RFC1: variants seen among roughly 807,000 people sequenced by gnomAD.
RFC1 encodes replication factor C subunit 1.
Under a neutral mutation model 137.4 loss-of-function variants are expected in RFC1, and 37 were observed. The observed-to-expected ratio is 0.27, with a 90% confidence interval of 0.21 to 0.35. The LOEUF (loss-of-function observed/expected upper bound fraction) is 0.35, where lower values mean the gene tolerates loss of function less well. Among genes scored for constraint, RFC1 ranks in the 10% least tolerant of loss-of-function variants. The probability of loss-of-function intolerance (pLI) is 1.00; values close to 1 mark genes in which losing one functional copy is unlikely to be tolerated. For missense variants in RFC1, 1,205 were observed against 1,358.5 expected, an observed-to-expected ratio of 0.89 and a Z score of 1.78; for synonymous variants, 429 against 455.7, an observed-to-expected ratio of 0.94 and a Z score of 0.75.
At chr4:39,290,420 A>G (rs1015034248) in intron 23 of RFC1, among the ~76,000 whole-genome samples, 1 of 152,128 alleles carries the variant, frequency 6.6e-6, no homozygotes, top group African/African-American at 2.4e-5. Flanking sequence ...TTAGGCAAAC[A>G]AACAAACAAA....
chr4:39,313,472 T>C (rs923863156), intron 10 of RFC1, among the ~76,000 whole-genome samples: 5 of 152,226 alleles, frequency 3.3e-5, no homozygotes, highest in African/African-American at 9.6e-5. Flanking sequence ...ACCACATTAG[T>C]GATCAGAAAT....
Position 39,320,581 on chromosome 4 carries a change from A to T in RFC1, c.897T>A (p.His299Gln). 6.2e-7 allele frequency: 1 copy of T among 1,613,732 alleles called. No individual in the cohort carries two copies. Among genetic ancestry groups the T allele is most frequent in the Non-Finnish European group, 8.5e-7 (1 of 1,179,922 alleles). ...CTATTTTGTCAGCTGATGACTTGGA[A>T]TGTTGCTGAGATTCTTTTGAACTTT... ...KYESSKESQQ[H>Q]SKSSADKIGE... The change falls in exon 9 of 25, where the codon CAT becomes CAA. Residue 299 changes from histidine to glutamine, a missense_variant. His to Gln is a conservative substitution (Grantham distance 24). Around this residue, in one of 3 missense-constraint regions of RFC1, gnomAD observed 962 missense variants for 1,035.3 expected, o/e 0.93. Transcript: ENST00000349703.
At chr4:39,309,320 G>A (rs1490005261) in intron 12 of RFC1, among the ~76,000 whole-genome samples, 1 of 152,194 alleles carries the variant, frequency 6.6e-6, no homozygotes, top group African/African-American at 2.4e-5. Flanking sequence ...AAGGTACAGT[G>A]TTGAGATTTT....
intron 22 of RFC1, among the ~76,000 whole-genome samples, chr4:39,293,183 G>A (rs1737785693): frequency 6.6e-6 from 1 of 152,084 alleles, no homozygotes; most frequent in Non-Finnish European, 1.5e-5. Flanking sequence ...CCTCTAGATT[G>A]TCTTCCATAA....
At chr4:39,351,536 A>G in intron 1 of RFC1, 60 bp from the exon 2 acceptor site, 5 of 1,415,698 alleles carry the variant, frequency 3.5e-6, no homozygotes, top group Non-Finnish European at 4.7e-6. Flanking sequence ...TTATAACTTC[A>G]ATTGTAAGAT....
At chr4:39,299,634 G>C (rs1023712396) in intron 21 of RFC1, among the ~76,000 whole-genome samples, 1 of 135,342 alleles carries the variant, frequency 7.4e-6, no homozygotes, top group Non-Finnish European at 1.6e-5. Context: ...AAAAAAGAAA[G>C]AAAGAAAAAA....
chr4:39,327,503 G>T, intron 5 of RFC1, 21 bp downstream of exon 5: 9 of 1,505,698 alleles, frequency 6.0e-6, no homozygotes, highest in Non-Finnish European at 8.2e-6. Flanking sequence ...GAGCATACTT[G>T]CTTATATGTA....
intron 6 of RFC1, among the ~76,000 whole-genome samples, chr4:39,324,744 G>T (rs926296258): frequency 3.3e-5 from 5 of 152,130 alleles, no homozygotes; most frequent in Non-Finnish European, 2.9e-5. Flanking sequence ...CTGGTGAGGG[G>T]ACCTTAGAGC....
intron 9 of RFC1, 30 bp from the exon 10 acceptor site, chr4:39,317,052 A>C (rs746634820): frequency 1.4e-6 from 2 of 1,412,426 alleles, no homozygotes; most frequent in African/African-American, 2.8e-5. Context: ...AAAATGAACA[A>C]AGTCATACAG....
intron 4 of RFC1, among the ~76,000 whole-genome samples, chr4:39,334,973 A>G (rs1740282278): frequency 6.6e-6 from 1 of 152,200 alleles, no homozygotes; most frequent in Non-Finnish European, 1.5e-5. Flanking sequence ...CCATATAAAA[A>G]TCTATTTAAA....
chr4:39,366,110 G>T, intron 1 of RFC1, 129 bp downstream of exon 1: 3 of 1,024,676 alleles, frequency 2.9e-6, no homozygotes, highest in Non-Finnish European at 2.7e-6. Context: ...CCCCTTCTCT[G>T]CCTTTGCTAG....
chr4:39,295,178 T>A (rs914393258), intron 22 of RFC1, among the ~76,000 whole-genome samples: 1 of 152,254 alleles, frequency 6.6e-6, no homozygotes, highest in African/African-American at 2.4e-5. Flanking sequence ...CATGCTAAAC[T>A]GTTATTTCCT....
chr4:39,334,202 AAT>A (rs1456587398), intron 4 of RFC1, among the ~76,000 whole-genome samples: 11 of 152,290 alleles, frequency 7.2e-5, no homozygotes, highest in Middle Eastern at 3.4e-3. Flanking sequence ...ATTTCTCACA[AAT>A]ATAAGGGATT....
intron 13 of RFC1, among the ~76,000 whole-genome samples, chr4:39,307,877 C>G (rs921014402): frequency 6.6e-6 from 1 of 152,106 alleles, no homozygotes; most frequent in African/African-American, 2.4e-5. Flanking sequence ...TATAAATAAA[C>G]AGGCATCATT....
chr4:39,340,189 G>C (rs190985400), intron 4 of RFC1, among the ~76,000 whole-genome samples: 7 of 152,260 alleles, frequency 4.6e-5, no homozygotes, highest in African/African-American at 1.7e-4. Flanking sequence ...TATGCCGCAA[G>C]AAAAATGCCA....
intron 1 of RFC1, among the ~76,000 whole-genome samples, chr4:39,360,684 G>A (rs938052906): frequency 6.6e-6 from 1 of 151,698 alleles, no homozygotes; most frequent in African/African-American, 2.4e-5. Flanking sequence ...GCAGTGAGCT[G>A]AGATTGTACC....
At chr4:39,319,831 G>C (rs987305780) in intron 9 of RFC1, among the ~76,000 whole-genome samples, 2 of 152,148 alleles carry the variant, frequency 1.3e-5, no homozygotes, top group Non-Finnish European at 2.9e-5. Flanking sequence ...AGTGTATCCA[G>C]CATGGTTATG....
In RFC1 at chr4:39,342,405, C is replaced by T; in HGVS notation, c.271G>A (p.Val91Ile). The change falls in exon 4 of 25, where the codon GTA becomes ATA. Residue 91 changes from valine to isoleucine, a missense_variant. Val to Ile is a conservative substitution (Grantham distance 29). Coordinates refer to ENST00000349703, the MANE Select transcript of RFC1 (RefSeq NM_002913.5). ...GAAATTTTACCAGGTTTAGAAGATA[C>T]TGGCAGTTTTTCTGGTGGCTTTTTG... The part of the protein sequence containing the change: ...NAKKPPEKLP[V>I]SSKPGKISRQ... 6 of 1,613,586 alleles carry T rather than the reference C, an allele frequency of 3.7e-6. No homozygotes were observed. The highest frequency in any genetic ancestry group is 5.1e-6 in the Non-Finnish European group (6 of 1,179,656).
intron 2 of RFC1, among the ~76,000 whole-genome samples, chr4:39,346,030 A>G (rs1740842906): frequency 1.3e-5 from 2 of 152,248 alleles, no homozygotes; most frequent in African/African-American, 2.4e-5. Flanking sequence ...CTATATTATT[A>G]TTCAGCTCCA....
Sources: allele counts gnomAD v4.1 joint callset (sites outside exome capture counted in the v4.1 genomes callset), GRCh38; gene constraint gnomAD v4.1.1; regional missense constraint gnomAD v4.1.1; transcripts MANE v1.5; gene names NCBI Gene and HGNC (gene_info 2026-07-23, HGNC 2026-07-21).